Variants in FBXO3 observed in about 807,000 individuals in gnomAD.
FBXO3 encodes the protein F-box only protein 3.
FBXO3 carries 17 observed loss-of-function variants against 64.8 expected under a neutral mutation model. The ratio of observed to expected loss-of-function variants is 0.26; its 90% confidence interval spans 0.18 to 0.39. The LOEUF (loss-of-function observed/expected upper bound fraction) is 0.39. Among genes scored for constraint, FBXO3 ranks in the 10% least tolerant of loss-of-function variants. FBXO3 has a pLI of 1.00. For missense variants in FBXO3, 420 were observed against 589.9 expected, an observed-to-expected ratio of 0.71 and a Z score of 2.98; for synonymous variants, 182 against 201.6, an observed-to-expected ratio of 0.90 and a Z score of 0.82.
At chr11:33,746,994 T>A in intron 10 of FBXO3, 136 bp downstream of exon 10, 4 of 1,489,304 alleles carry the variant, frequency 2.7e-6, no homozygotes, top group Non-Finnish European at 3.5e-6. Flanking sequence ...CAAATTCACA[T>A]GACCCCCAAG....
At chr11:33,746,911 T>C (rs1854826127) in intron 10 of FBXO3, 3 of 1,424,818 alleles carry the variant, frequency 2.1e-6, no homozygotes, top group Non-Finnish European at 1.8e-6. Flanking sequence ...GAAAAACAAG[T>C]TGAATCTTTA....
intron 10 of FBXO3, chr11:33,746,837 T>C (rs1854824353): frequency 7.1e-7 from 1 of 1,416,482 alleles, no homozygotes; most frequent in African/African-American, 1.4e-5. Context: ...TTCCCAGTCT[T>C]AAAGCTGATT....
intron 5 of FBXO3, among the ~76,000 whole-genome samples, chr11:33,754,973 C>A (rs1210030699): frequency 8.3e-6 from 1 of 119,972 alleles, no homozygotes; most frequent in Non-Finnish European, 1.7e-5. Flanking sequence ...TCAAGCAATT[C>A]TCCTGCCTCA....
intron 6 of FBXO3, among the ~76,000 whole-genome samples, chr11:33,752,919 G>A (rs1161468793): frequency 2.0e-5 from 3 of 151,934 alleles, no homozygotes; most frequent in Non-Finnish European, 4.4e-5. Flanking sequence ...ATTACAATAC[G>A]TACCAGAGTG....
intron 3 of FBXO3, chr11:33,767,567 G>A (rs1274617913): frequency 1.3e-5 from 2 of 152,280 alleles, no homozygotes; most frequent in African/African-American, 4.8e-5. Flanking sequence ...CCAAAGTGCT[G>A]GGATTATAGG....
chr11:33,748,221 A>G (rs2133595417), intron 9 of FBXO3, among the ~76,000 whole-genome samples: 1 of 152,334 alleles, frequency 6.6e-6, no homozygotes, highest in South Asian at 2.1e-4. Context: ...TTTGTTAAGT[A>G]AACATGTAGA....
At chr11:33,758,938 C>A (rs1278180168) in intron 3 of FBXO3, among the ~76,000 whole-genome samples, 5 of 129,880 alleles carry the variant, frequency 3.8e-5, no homozygotes, top group Admixed American at 1.5e-4. Context: ...AAAAAAAAAA[C>A]AGCAAAACCC....
intron 3 of FBXO3, chr11:33,767,700 A>C (rs188523636): frequency 6.6e-6 from 1 of 152,364 alleles, no homozygotes; most frequent in East Asian, 1.9e-4. Flanking sequence ...AGTAATACTC[A>C]AGAAATACTT....
intron 3 of FBXO3, among the ~76,000 whole-genome samples, chr11:33,759,677 A>C (rs1238443879): frequency 6.6e-6 from 1 of 152,220 alleles, no homozygotes; most frequent in Non-Finnish European, 1.5e-5. Flanking sequence ...AATTAAAAAC[A>C]ACTAGGCCTA....
intron 2 of FBXO3, 140 bp downstream of exon 2, chr11:33,770,600 AC>A (rs1318003559): frequency 1.6e-6 from 1 of 621,784 alleles, no homozygotes; most frequent in Admixed American, 2.3e-5. Flanking sequence ...CTTGGCAAAT[AC>A]CAACATTTAC....
chr11:33,742,016 ATCC>A lies in FBXO3; in HGVS notation c.1305_1307del (p.Glu435del), dbSNP rs778684110. 62 of 1,608,814 alleles carry A rather than the reference ATCC, an allele frequency of 3.9e-5. No homozygotes were observed. Among genetic ancestry groups the A allele is most frequent in the South Asian group, 3.0e-4 (27 of 90,926 alleles). On this transcript the variant is annotated inframe_deletion, in exon 11 of 11. Transcript: ENST00000265651. ...ATTCATCCATATCTGCTGAATCATC[ATCC>A]TCGTCTTCCTCCTCTTCCTCCTCCT...
chr11:33,760,854 C>G (rs904409123), intron 3 of FBXO3, among the ~76,000 whole-genome samples: 9 of 151,848 alleles, frequency 5.9e-5, no homozygotes, highest in African/African-American at 2.2e-4. Flanking sequence ...GAAAGTGATC[C>G]CAGATGGAAG....
At chr11:33,755,604 G>C (rs1257908205) in intron 5 of FBXO3, among the ~76,000 whole-genome samples, 167 bp downstream of exon 5, 1 of 152,090 alleles carries the variant, frequency 6.6e-6, no homozygotes, top group Non-Finnish European at 1.5e-5. Flanking sequence ...GTTTTCTCTT[G>C]GGTTCCATGC....
At chr11:33,753,697 T>G (rs928619594) in intron 6 of FBXO3, 2 of 152,208 alleles carry the variant, frequency 1.3e-5, no homozygotes, top group Non-Finnish European at 2.9e-5. Flanking sequence ...AAATAGAGAC[T>G]TATACATTGT....
At chr11:33,764,453 A>G (rs896256621) in intron 3 of FBXO3, among the ~76,000 whole-genome samples, 1 of 152,078 alleles carries the variant, frequency 6.6e-6, no homozygotes, top group Non-Finnish European at 1.5e-5. Flanking sequence ...TGCACTTACA[A>G]TTTGTGCCTA....
rs831595 is a variant in FBXO3 at position 33,743,711 on chromosome 11, T to A, written c.1240-1627A>T. 100,180 of 152,192 alleles carry A rather than the reference T, an allele frequency of 0.66. 33,179 individuals carry two copies. The highest frequency in any genetic ancestry group is 0.71 in the Middle Eastern group (209 of 294). 9.4% of individuals were successfully genotyped at this position (152,192 alleles called of 1,614,324 possible). A position where few individuals can be genotyped will look rare whatever the true frequency, so the allele number is the denominator to read the frequency against. On this transcript the variant is annotated intron_variant, in intron 10 of 10. Transcript: ENST00000265651. The surrounding 1 kb of genome is among the most constrained non-coding windows in gnomAD (Gnocchi z 4.6). ...CACGTGCTGCTCCTTTGCTTCGACC[T>A]CTCGTCTCCCACATATCCACCTAAT...
At chr11:33,756,073 T>G in intron 4 of FBXO3, 98 bp from the exon 5 acceptor site, 1 of 877,220 alleles carries the variant, frequency 1.1e-6, no homozygotes, top group Non-Finnish European at 1.8e-6. Context: ...CACAACTTTA[T>G]AAGTACTAAT....
chr11:33,774,124 T>C, intron 1 of FBXO3: 5 of 383,120 alleles, frequency 1.3e-5, no homozygotes, highest in South Asian at 9.9e-5. Context: ...CCTCCTTCTC[T>C]TGCAAGTGGG....
intron 3 of FBXO3, chr11:33,763,192 A>C: frequency 2.5e-6 from 1 of 396,330 alleles, no homozygotes; most frequent in Middle Eastern, 3.5e-4. Context: ...AGCAAAAAAT[A>C]AGACCAAGCT....
Sources: gnomAD v4.1 joint callset for allele counts (sites outside exome capture counted in the v4.1 genomes callset) on GRCh38, gnomAD v4.1.1 for gene constraint, Gnocchi (gnomAD v3.1) non-coding constraint, MANE v1.5 for transcripts, NCBI Gene and HGNC (gene_info 2026-07-23, HGNC 2026-07-21) for gene names.